The following MIR2052HG variants were observed in gnomAD, a reference collection of about 807,000 sequenced individuals.
MIR2052HG encodes the protein MIR2052 host gene.
intron 1 of MIR2052HG, chr8:74,604,017 A>C: frequency 1.0e-6 from 1 of 972,004 alleles, no homozygotes; most frequent in East Asian, 2.4e-5. Context: ...CCAGTTTGTC[A>C]ATGATCATAG....
At chr8:74,689,285 A>T (rs1416428828) in intron 2 of MIR2052HG, among the ~76,000 whole-genome samples, 1 of 152,224 alleles carries the variant, frequency 6.6e-6, no homozygotes, top group Non-Finnish European at 1.5e-5. Context: ...TAAGTAATAA[A>T]CAACCATCAA....
chr8:74,625,091 C>T (rs1002045050), intron 2 of MIR2052HG, among the ~76,000 whole-genome samples: 16 of 151,904 alleles, frequency 1.1e-4, no homozygotes, highest in African/African-American at 3.4e-4. Context: ...CAGGGTCTTG[C>T]TCTGTTGCTC....
At chr8:74,644,827 G>GC (rs2128735583) in intron 2 of MIR2052HG, among the ~76,000 whole-genome samples, 1 of 152,088 alleles carries the variant, frequency 6.6e-6, no homozygotes, top group African/African-American at 2.4e-5. Flanking sequence ...GGAGGTTGAG[G>GC]CTGCAGTGAG....
At chr8:74,617,335 A>G (rs1808297703) in intron 2 of MIR2052HG, among the ~76,000 whole-genome samples, 1 of 152,150 alleles carries the variant, frequency 6.6e-6, no homozygotes, top group Non-Finnish European at 1.5e-5. Flanking sequence ...AAGTGAGAAC[A>G]TGCAGTATTT....
intron 2 of MIR2052HG, among the ~76,000 whole-genome samples, chr8:74,670,385 C>T (rs1808978057): frequency 6.6e-6 from 1 of 152,074 alleles, no homozygotes; most frequent in Non-Finnish European, 1.5e-5. Flanking sequence ...GGTAATATGG[C>T]AGGCTATATA....
At chr8:74,714,863 C>G (rs1314919261) in intron 4 of MIR2052HG, among the ~76,000 whole-genome samples, 3 of 151,900 alleles carry the variant, frequency 2.0e-5, no homozygotes, top group African/African-American at 7.3e-5. Context: ...GCTGCCATGC[C>G]CAGCTAATTT....
intron 4 of MIR2052HG, among the ~76,000 whole-genome samples, chr8:74,741,024 GT>G (rs1446189182): frequency 6.6e-6 from 1 of 152,190 alleles, no homozygotes; most frequent in Non-Finnish European, 1.5e-5. Context: ...GAAATACTGA[GT>G]TAGGCTCCTG....
At chr8:74,668,058 G>T (rs1808950370) in intron 2 of MIR2052HG, among the ~76,000 whole-genome samples, 1 of 151,232 alleles carries the variant, frequency 6.6e-6, no homozygotes, top group Admixed American at 6.6e-5. Context: ...CCCTCCCTCT[G>T]CAGGAGTCGC....
intron 2 of MIR2052HG, among the ~76,000 whole-genome samples, chr8:74,620,208 G>C (rs1808342358): frequency 6.6e-6 from 1 of 152,186 alleles, no homozygotes; most frequent in Non-Finnish European, 1.5e-5. Context: ...TGCCCCTCTG[G>C]CTTCACAGGA....
chr8:74,624,975 G>A (rs1038091900), intron 2 of MIR2052HG, among the ~76,000 whole-genome samples: 10 of 152,236 alleles, frequency 6.6e-5, no homozygotes, highest in Non-Finnish European at 1.2e-4. Flanking sequence ...ATGAAAACCC[G>A]TATTCACAAA....
At chr8:74,667,099 T>C (rs1808937550) in intron 2 of MIR2052HG, among the ~76,000 whole-genome samples, 1 of 152,188 alleles carries the variant, frequency 6.6e-6, no homozygotes, top group Non-Finnish European at 1.5e-5. Context: ...CAGGTGTTCT[T>C]AATATCTGCT....
intron 1 of MIR2052HG, among the ~76,000 whole-genome samples, chr8:74,605,870 T>C (rs1388146777): frequency 1.3e-5 from 2 of 152,198 alleles, no homozygotes; most frequent in Non-Finnish European, 2.9e-5. Flanking sequence ...ATAGTATCAA[T>C]GTATTATTGT....
At chr8:74,744,889 A>G (rs902732536) in intron 4 of MIR2052HG, among the ~76,000 whole-genome samples, 2 of 152,198 alleles carry the variant, frequency 1.3e-5, no homozygotes, top group Non-Finnish European at 2.9e-5. Flanking sequence ...GTGGGTAACT[A>G]CTATCTGTGT....
intron 2 of MIR2052HG, among the ~76,000 whole-genome samples, chr8:74,694,161 A>G (rs775748867): frequency 6.6e-6 from 1 of 152,212 alleles, no homozygotes; most frequent in Non-Finnish European, 1.5e-5. Flanking sequence ...GCTGAGAGAC[A>G]TGAAGACAGA....
chr8:74,655,597 T>A (rs1371954710), intron 2 of MIR2052HG, among the ~76,000 whole-genome samples: 1 of 152,120 alleles, frequency 6.6e-6, no homozygotes, highest in Non-Finnish European at 1.5e-5. Context: ...GGTTTCATAA[T>A]CTCCACCTAG....
At chr8:74,731,250 C>A (rs974890993) in intron 4 of MIR2052HG, among the ~76,000 whole-genome samples, 3 of 152,192 alleles carry the variant, frequency 2.0e-5, no homozygotes, top group Middle Eastern at 3.2e-3. Context: ...CAACAGGGAC[C>A]AACACTGAGC....
At chr8:74,750,047 G>T (rs1809928371) in intron 4 of MIR2052HG, among the ~76,000 whole-genome samples, 1 of 152,046 alleles carries the variant, frequency 6.6e-6, no homozygotes, top group Non-Finnish European at 1.5e-5. Context: ...TGGAGGGTCA[G>T]CCTGACATTT....
At chr8:74,632,657 C>T (rs1808527490) in intron 2 of MIR2052HG, among the ~76,000 whole-genome samples, 1 of 152,118 alleles carries the variant, frequency 6.6e-6, no homozygotes. Context: ...TTTGGTATGA[C>T]TTTAATGTTA....
intron 2 of MIR2052HG, among the ~76,000 whole-genome samples, chr8:74,647,936 A>G (rs2128735860): frequency 6.6e-6 from 1 of 152,276 alleles, no homozygotes; most frequent in Admixed American, 6.5e-5. Flanking sequence ...TTGCAAGCTG[A>G]GAATGTATGT....
Sources: gnomAD v4.1 joint callset for allele counts (sites outside exome capture counted in the v4.1 genomes callset) on GRCh38, gnomAD v4.1.1 for gene constraint, MANE v1.5 for transcripts, NCBI Gene and HGNC (gene_info 2026-07-23, HGNC 2026-07-21) for gene names.